The following PTTG1IP variants were observed in gnomAD, a reference collection of about 807,000 sequenced individuals.
The protein encoded by PTTG1IP is PTTG1 interacting protein.
A neutral mutation model predicts 24.4 loss-of-function variants in PTTG1IP; 16 were observed. The ratio of observed to expected loss-of-function variants is 0.66; its 90% CI spans 0.44 to 1.00. The LOEUF is 1.00. PTTG1IP is among the 50% of genes least tolerant of loss of function. PTTG1IP has a pLI of 0.00. For synonymous variants in PTTG1IP, 89 were observed against 96.8 expected (o/e 0.92, Z 0.47); for missense variants, 241 against 245.8 (o/e 0.98, Z 0.13).
Position 44,850,519 on chromosome 21 carries a change from G to A in PTTG1IP, c.*1062C>T, listed in dbSNP as rs2083403255. 1 of 152,326 alleles carries A rather than the reference G, an allele frequency of 6.6e-6. No individual in the cohort carries two copies. The highest frequency in any genetic ancestry group is 6.5e-5 in the Admixed American group (1 of 15,292). 9.4% of individuals were successfully genotyped at this position (152,326 alleles called of 1,614,324 possible). A position where few individuals can be genotyped will look rare whatever the true frequency, so the allele number is the denominator to read the frequency against. ...CTGGACTGGTCCCATGAGGCAGAAG[G>A]AGCACCAGCGCCTGCTGGGTGGTGT... is the stretch of plus-strand genomic sequence containing the variant. On this transcript the variant is annotated 3_prime_UTR_variant, in exon 6 of 6. Coordinates refer to ENST00000330938, the MANE Select transcript of PTTG1IP (RefSeq NM_004339.4).
intron 1 of PTTG1IP, among the ~76,000 whole-genome samples, chr21:44,870,223 T>C (rs1429031534): frequency 6.6e-6 from 1 of 152,182 alleles, no homozygotes; most frequent in Non-Finnish European, 1.5e-5. Context: ...ATTCTATCCT[T>C]TGAAAACATA....
chr21:44,868,592 C>G (rs1324792150), intron 1 of PTTG1IP, among the ~76,000 whole-genome samples: 2 of 152,190 alleles, frequency 1.3e-5, no homozygotes, highest in Admixed American at 6.5e-5. Context: ...GGGAGTCTTT[C>G]TGGCCATATC....
At chr21:44,861,112 T>G in intron 3 of PTTG1IP, 51 bp downstream of exon 3, 4 of 1,538,280 alleles carry the variant, frequency 2.6e-6, no homozygotes, top group Non-Finnish European at 3.6e-6. Context: ...CATACTACTA[T>G]TTTCAAAGAA....
rs540808826 is a variant in PTTG1IP at position 44,868,653 on chromosome 21, C to T, written c.116-3206G>A. ...TGATAACAGTCATGAACTCTAACCC[C>T]TAGAAGCCACACTGACATGAAATAA... On this transcript the variant is annotated intron_variant, in intron 1 of 5. Coordinates refer to ENST00000330938, the MANE Select transcript of PTTG1IP (RefSeq NM_004339.4). Among the ~76,000 whole-genome samples, 79 of 152,292 alleles carry T rather than the reference C, an allele frequency of 5.2e-4. No individual in the cohort carries two copies. The Middle Eastern group carries it at 0.027, about 52-fold the overall frequency.
chr21:44,866,268 A>G (rs2083536280), intron 1 of PTTG1IP, among the ~76,000 whole-genome samples: 1 of 141,700 alleles, frequency 7.1e-6, no homozygotes, highest in Non-Finnish European at 1.5e-5. Context: ...ACACACACAC[A>G]CGCAGACTGC....
chr21:44,870,539 A>AG (rs1345060585), intron 1 of PTTG1IP, among the ~76,000 whole-genome samples: 3 of 149,630 alleles, frequency 2.0e-5, no homozygotes, highest in African/African-American at 7.5e-5. Context: ...AAAAAAAAAA[A>AG]AAAAAAAAAG....
rs546133095 is a variant in PTTG1IP, at chr21:44,853,695, G to A, written c.496+1515C>T. On this transcript the variant is annotated intron_variant, in intron 5 of 5. Coordinates refer to ENST00000330938, the MANE Select transcript of PTTG1IP (RefSeq NM_004339.4). ...TTATGACAGTCACACGCAGGTACCC[G>A]GTCACCACCCACTCCAGACACACAC... 3.3e-5 allele frequency among the ~76,000 whole-genome samples: 5 copies of A among 151,876 alleles called. No homozygotes were observed. The East Asian group carries it at 5.8e-4, about 18-fold the overall frequency.
chr21:44,854,830 G>A (rs962527875), intron 5 of PTTG1IP, among the ~76,000 whole-genome samples: 2 of 152,154 alleles, frequency 1.3e-5, no homozygotes, highest in Non-Finnish European at 2.9e-5. Context: ...AGATGGCAAC[G>A]AGCAACGCTC....
intron 1 of PTTG1IP, 59 bp downstream of exon 1, chr21:44,873,443 A>ACCCCGG (rs1320570912): frequency 7.7e-7 from 1 of 1,303,064 alleles, no homozygotes; most frequent in Non-Finnish European, 9.7e-7. Flanking sequence ...CCCGACCCCG[A>ACCCCGG]CCTGGACCCA....
chr21:44,862,062 GACA>G, intron 2 of PTTG1IP: 1 of 565,588 alleles, frequency 1.8e-6, no homozygotes, highest in Non-Finnish European at 3.2e-6. Context: ...GTGGTGTGGA[GACA>G]ACACCATCAC....
intron 4 of PTTG1IP, 34 bp from the exon 5 acceptor site, chr21:44,855,290 G>A (rs1200345316): frequency 4.4e-6 from 7 of 1,587,462 alleles, no homozygotes; most frequent in African/African-American, 4.0e-5. Context: ...AGCACCAAAC[G>A]ACAGCGCACG....
In PTTG1IP at chr21:44,849,791, C is replaced by G. The variant is rs1242518226; in HGVS notation, c.*1790G>C. 2.6e-5 allele frequency: 4 copies of G among 152,322 alleles called. No homozygotes were observed. The highest frequency in any genetic ancestry group is 4.4e-5 in the Non-Finnish European group (3 of 68,042). The allele number at this position is 152,322 out of a possible 1,614,324, so 9.4% of individuals were successfully genotyped here. A position where few individuals can be genotyped will look rare whatever the true frequency, so the allele number is the denominator to read the frequency against. Reference sequence around the variant, plus strand: ...GACTACGCTGTATTTCACAACCGAGCCCTAGCGCCAGCTCAGCACCCTACG... The same window carrying G: ...GACTACGCTGTATTTCACAACCGAGGCCTAGCGCCAGCTCAGCACCCTACG... On this transcript the variant is annotated 3_prime_UTR_variant, in exon 6 of 6. Coordinates refer to ENST00000330938, the MANE Select transcript of PTTG1IP (RefSeq NM_004339.4).
rs184739084 is a variant in PTTG1IP, at chr21:44,852,187, T to A, written c.497-560A>T. 1.9e-3 allele frequency among the ~76,000 whole-genome samples: 294 copies of A among 151,902 alleles called. 1 individual carries two copies. Among genetic ancestry groups the A allele is most frequent in the South Asian group, 6.3e-3 (30 of 4,800 alleles). On this transcript the variant is annotated intron_variant, in intron 5 of 5. Transcript: ENST00000330938. ...ACACACACTCTCTCTCCCTTTATTTTTTATTTTTTTTTGAGACAGAGTTTT... is the reference window on the plus strand; with the variant it reads ...ACACACACTCTCTCTCCCTTTATTTATTATTTTTTTTTGAGACAGAGTTTT...
chr21:44,861,106 C>A, intron 3 of PTTG1IP, 57 bp downstream of exon 3: 1 of 1,504,612 alleles, frequency 6.6e-7, no homozygotes, highest in Admixed American at 1.7e-5. Context: ...CCGGCCCATA[C>A]TACTATTTTC....
chr21:44,868,395 T>C (rs2083559213), intron 1 of PTTG1IP, among the ~76,000 whole-genome samples: 1 of 152,204 alleles, frequency 6.6e-6, no homozygotes, highest in Non-Finnish European at 1.5e-5. Flanking sequence ...AGCAGAGGTG[T>C]ATTCTTGGTG....
At chr21:44,856,150 C>T in intron 4 of PTTG1IP, 43 bp downstream of exon 4, 1 of 1,613,626 alleles carries the variant, frequency 6.2e-7, no homozygotes, top group African/African-American at 1.3e-5. Flanking sequence ...AGATCTGAAT[C>T]CCCTCGAAGT....
intron 5 of PTTG1IP, among the ~76,000 whole-genome samples, chr21:44,854,563 C>T (rs2083434752): frequency 6.6e-6 from 1 of 152,214 alleles, no homozygotes; most frequent in South Asian, 2.1e-4. Flanking sequence ...CGAAGCACGG[C>T]TGGGTGGTGG....
At chr21:44,861,619 C>T in intron 2 of PTTG1IP, 1 of 672,942 alleles carries the variant, frequency 1.5e-6, no homozygotes, top group Non-Finnish European at 2.8e-6. Context: ...CCTGCCGGTT[C>T]TGCCTGGAGC....
In PTTG1IP at chr21:44,851,457, T is replaced by C. The variant is rs763816781; in HGVS notation, c.*124A>G. 3.1e-6 allele frequency: 5 copies of C among 1,610,000 alleles called. No individual in the cohort carries two copies. Among genetic ancestry groups the C allele is most frequent in the Admixed American group, 3.3e-5 (2 of 59,920 alleles). Reference sequence around the variant, plus strand: ...GGGGCAGCTCTCCGGCCGCCTGTCCTGGAAGGCTGGCAGGTTCACTGGCCA... The same window carrying C: ...GGGGCAGCTCTCCGGCCGCCTGTCCCGGAAGGCTGGCAGGTTCACTGGCCA... On this transcript the variant is annotated 3_prime_UTR_variant, in exon 6 of 6. Transcript: ENST00000330938.
Sources: allele counts gnomAD v4.1 joint callset (sites outside exome capture counted in the v4.1 genomes callset), GRCh38; gene constraint gnomAD v4.1.1; transcripts MANE v1.5; gene names NCBI Gene and HGNC (gene_info 2026-07-23, HGNC 2026-07-21).